Variants in LINGO2 observed in about 807,000 individuals in gnomAD.
LINGO2 encodes the protein leucine-rich repeat and immunoglobulin-like domain-containing nogo receptor-interacting protein 2.
A neutral mutation model predicts 30.6 loss-of-function variants in LINGO2; 14 were observed. That is an observed-to-expected ratio of 0.46 (90% CI 0.30 to 0.72). The LOEUF is 0.72. LINGO2 is among the 30% of genes least tolerant of loss of function. The pLI, the probability that LINGO2 is intolerant of heterozygous loss-of-function variation, is 0.07. For missense variants in LINGO2, 729 were observed against 751.7 expected, an observed-to-expected ratio of 0.97 and a Z score of 0.35; for synonymous variants, 317 against 288.5, an observed-to-expected ratio of 1.10 and a Z score of -1.00.
chr9:28,829,474 C>G, the LINGO2 span, among the ~76,000 whole-genome samples: 1 of 152,236 alleles, frequency 6.6e-6, no homozygotes, highest in Non-Finnish European at 1.5e-5. Context: ...TAAAAAAGCA[C>G]TACCTATAAC....
chr9:28,858,662 A>C, the LINGO2 span, among the ~76,000 whole-genome samples: 219 of 152,106 alleles, frequency 1.4e-3, 3 homozygotes, highest in Admixed American at 0.013. Flanking sequence ...AGTTCATATG[A>C]AAATACCCAT....
the LINGO2 span, among the ~76,000 whole-genome samples, chr9:28,717,365 AG>A: frequency 2.0e-5 from 3 of 150,684 alleles, no homozygotes; most frequent in African/African-American, 7.3e-5. Context: ...AAAAAGATGA[AG>A]GGGGGATTTT....
the LINGO2 span, among the ~76,000 whole-genome samples, chr9:28,972,317 C>T: frequency 4.6e-5 from 7 of 152,240 alleles, no homozygotes; most frequent in South Asian, 1.5e-3. Flanking sequence ...CACCAGGGAC[C>T]TATCCTTCCT....
At chr9:28,689,261 A>C in the LINGO2 span, among the ~76,000 whole-genome samples, 1 of 152,274 alleles carries the variant, frequency 6.6e-6, no homozygotes, top group Admixed American at 6.5e-5. Flanking sequence ...GCTACAGCCA[A>C]CAAGAAATCA....
At chr9:29,198,553 C>T in the LINGO2 span, among the ~76,000 whole-genome samples, 3 of 152,112 alleles carry the variant, frequency 2.0e-5, no homozygotes, top group African/African-American at 7.2e-5. Flanking sequence ...TTTAGAAGTC[C>T]TCTCCTAAGA....
the LINGO2 span, among the ~76,000 whole-genome samples, chr9:28,924,234 T>C: frequency 6.6e-6 from 1 of 152,108 alleles, no homozygotes. Context: ...CTTTTTCTTT[T>C]CTTTGAGACA....
At chr9:28,402,099 C>T (rs1362562866) in intron 2 of LINGO2, among the ~76,000 whole-genome samples, 2 of 152,184 alleles carry the variant, frequency 1.3e-5, no homozygotes, top group Admixed American at 1.3e-4. Context: ...TAGGGCAACA[C>T]AAGCAATTCT....
chr9:29,165,014 T>A, the LINGO2 span, among the ~76,000 whole-genome samples: 4 of 152,086 alleles, frequency 2.6e-5, no homozygotes, highest in East Asian at 7.7e-4. Flanking sequence ...AAAATGAAAA[T>A]CTCTTTTAAC....
intron 3 of LINGO2, among the ~76,000 whole-genome samples, chr9:28,344,528 G>A (rs939104453): frequency 6.6e-6 from 1 of 152,048 alleles, no homozygotes; most frequent in Non-Finnish European, 1.5e-5. Context: ...AAGTATCTGG[G>A]TATATATACA....
the LINGO2 span, among the ~76,000 whole-genome samples, chr9:29,110,549 AT>A: frequency 6.6e-6 from 1 of 151,196 alleles, no homozygotes; most frequent in East Asian, 2.0e-4. Flanking sequence ...AGCCAGGATG[AT>A]CTTGATCTCC....
chr9:28,570,268 T>C (rs2135589317), intron 1 of LINGO2, among the ~76,000 whole-genome samples: 1 of 152,092 alleles, frequency 6.6e-6, no homozygotes, highest in Middle Eastern at 3.4e-3. Flanking sequence ...AGATAATTTC[T>C]ACCACGTCAC....
the LINGO2 span, among the ~76,000 whole-genome samples, chr9:29,100,267 G>A: frequency 6.6e-6 from 1 of 152,190 alleles, no homozygotes; most frequent in Non-Finnish European, 1.5e-5. Context: ...ACACGGGGGA[G>A]GGGAAGCCAT....
chr9:28,398,542 A>AAGAATT, intron 2 of LINGO2, among the ~76,000 whole-genome samples: 1 of 152,154 alleles, frequency 6.6e-6, no homozygotes, highest in Admixed American at 6.5e-5. Flanking sequence ...TCCATTCAGA[A>AAGAATT]AAGAATTAAG....
chr9:28,721,338 T>C, the LINGO2 span, among the ~76,000 whole-genome samples: 2 of 152,148 alleles, frequency 1.3e-5, no homozygotes, highest in Non-Finnish European at 2.9e-5. Context: ...TAAATTGTAC[T>C]GTTATAAAGA....
At chr9:28,726,547 A>G in the LINGO2 span, among the ~76,000 whole-genome samples, 1 of 152,210 alleles carries the variant, frequency 6.6e-6, no homozygotes, top group Non-Finnish European at 1.5e-5. Context: ...TGTAAATGGC[A>G]AGGTGTAGTA....
the LINGO2 span, among the ~76,000 whole-genome samples, chr9:29,136,334 G>T: frequency 1.3e-5 from 2 of 151,934 alleles, no homozygotes; most frequent in Non-Finnish European, 2.9e-5. Flanking sequence ...TCTCTCTCTA[G>T]CTGCTACCCT....
intron 4 of LINGO2, among the ~76,000 whole-genome samples, chr9:28,050,186 G>A (rs1258581274): frequency 6.6e-6 from 1 of 150,578 alleles, no homozygotes. Context: ...ATAAAAAGGA[G>A]GAACAAATTG....
the LINGO2 span, among the ~76,000 whole-genome samples, chr9:28,747,427 C>T: frequency 4.6e-5 from 7 of 151,998 alleles, no homozygotes; most frequent in Non-Finnish European, 8.8e-5. Flanking sequence ...TCTTCCTGGA[C>T]GTTGGACAAA....
At chr9:28,998,303 G>T in the LINGO2 span, among the ~76,000 whole-genome samples, 1 of 152,124 alleles carries the variant, frequency 6.6e-6, no homozygotes, top group South Asian at 2.1e-4. Context: ...ACAAAATGTG[G>T]GGATAAGACG....
Sources: gnomAD v4.1 joint callset for allele counts (sites outside exome capture counted in the v4.1 genomes callset) on GRCh38, gnomAD v4.1.1 for gene constraint, MANE v1.5 for transcripts, NCBI Gene and HGNC (gene_info 2026-07-23, HGNC 2026-07-21) for gene names.